Variants in GPC5 observed in about 807,000 individuals in gnomAD.
GPC5 encodes glypican-5.
GPC5 carries 47 observed loss-of-function variants against 53.9 expected under a neutral mutation model. The ratio of observed to expected loss-of-function variants is 0.87; its 90% CI spans 0.69 to 1.11. The LOEUF (loss-of-function observed/expected upper bound fraction) is 1.11, where lower values mean the gene tolerates loss of function less well. GPC5 is among the 50% of genes most tolerant of loss of function. The probability of loss-of-function intolerance (pLI) is 0.00; values close to 1 mark genes in which losing one functional copy is unlikely to be tolerated. For missense variants in GPC5, 748 were observed against 713.1 expected, an observed-to-expected ratio of 1.05 and a Z score of -0.56; for synonymous variants, 286 against 263.3, an observed-to-expected ratio of 1.09 and a Z score of -0.84.
chr13:92,131,253 C>T (rs903927006), intron 6 of GPC5, among the ~76,000 whole-genome samples: 2 of 151,768 alleles, frequency 1.3e-5, no homozygotes, highest in Non-Finnish European at 2.9e-5. Context: ...TCTGAAAAAC[C>T]ATATTGAAAA....
At chr13:91,949,407 T>TA (rs960391734) in intron 6 of GPC5, among the ~76,000 whole-genome samples, 1 of 152,020 alleles carries the variant, frequency 6.6e-6, no homozygotes, top group Non-Finnish European at 1.5e-5. Flanking sequence ...AGTGAAAGAT[T>TA]AAAAAAGGAA....
At chr13:91,740,382 C>G (rs969896476) in intron 4 of GPC5, among the ~76,000 whole-genome samples, 4 of 152,128 alleles carry the variant, frequency 2.6e-5, no homozygotes, top group African/African-American at 9.7e-5. Flanking sequence ...AAATACATTG[C>G]TTTTTCCTTG....
At chr13:92,799,239 C>T (rs1306859828) in intron 7 of GPC5, among the ~76,000 whole-genome samples, 26 of 151,748 alleles carry the variant, frequency 1.7e-4, no homozygotes, top group African/African-American at 2.4e-5. Context: ...ATCCAGAAAA[C>T]ATTCCTTTCA....
At chr13:92,126,416 A>G (rs2041697713) in intron 6 of GPC5, among the ~76,000 whole-genome samples, 1 of 152,220 alleles carries the variant, frequency 6.6e-6, no homozygotes, top group Non-Finnish European at 1.5e-5. Flanking sequence ...CACATAGGAC[A>G]AATTATTTAA....
intron 7 of GPC5, among the ~76,000 whole-genome samples, chr13:92,639,058 A>G (rs1260882101): frequency 1.3e-5 from 2 of 152,328 alleles, no homozygotes; most frequent in Admixed American, 6.5e-5. Flanking sequence ...ATCTTGCACC[A>G]TAGCTCACTG....
chr13:92,065,720 G>T (rs1368338099), intron 6 of GPC5, among the ~76,000 whole-genome samples: 3 of 152,090 alleles, frequency 2.0e-5, no homozygotes, highest in African/African-American at 7.2e-5. Context: ...TTTCAAAATT[G>T]CATGTTAGGT....
chr13:91,855,531 A>G (rs1194612939), intron 5 of GPC5, among the ~76,000 whole-genome samples: 7 of 151,818 alleles, frequency 4.6e-5, no homozygotes, highest in South Asian at 4.1e-4. Context: ...TTCTAAATGG[A>G]TATGTGAATG....
At chr13:92,774,512 C>T (rs1001180004) in intron 7 of GPC5, among the ~76,000 whole-genome samples, 1 of 152,192 alleles carries the variant, frequency 6.6e-6, no homozygotes, top group African/African-American at 2.4e-5. Context: ...TCCCTGCCCA[C>T]TTGCCTATGA....
intron 7 of GPC5, among the ~76,000 whole-genome samples, chr13:92,638,827 A>G (rs1885496728): frequency 6.6e-6 from 1 of 152,218 alleles, no homozygotes; most frequent in African/African-American, 2.4e-5. Context: ...TCATGAAAAA[A>G]GGTTTACATC....
intron 2 of GPC5, among the ~76,000 whole-genome samples, chr13:91,516,632 G>T (rs184898814): frequency 4.6e-5 from 7 of 152,252 alleles, no homozygotes; most frequent in African/African-American, 1.4e-4. Context: ...TCTGGAAGAC[G>T]GTGGCCCTCT....
chr13:91,964,100 C>A (rs1382773501), intron 6 of GPC5, among the ~76,000 whole-genome samples: 1 of 152,276 alleles, frequency 6.6e-6, no homozygotes, highest in Admixed American at 6.5e-5. Context: ...TTTTTTCCTT[C>A]TGATGTTCAG....
chr13:92,349,961 T>C (rs2043461867), intron 7 of GPC5, among the ~76,000 whole-genome samples: 1 of 152,178 alleles, frequency 6.6e-6, no homozygotes, highest in Non-Finnish European at 1.5e-5. Flanking sequence ...ATATCCTTGA[T>C]GAACATAGAC....
At chr13:92,661,385 C>T (rs1232976023) in intron 7 of GPC5, among the ~76,000 whole-genome samples, 2 of 151,640 alleles carry the variant, frequency 1.3e-5, no homozygotes, top group African/African-American at 4.8e-5. Flanking sequence ...ATTGTCAACA[C>T]TCAGTGTATA....
rs547785865 is a variant in GPC5, at chr13:92,094,203, T to TC, written c.1402-50625dup. 3.5e-3 allele frequency among the ~76,000 whole-genome samples: 538 copies of TC among 152,252 alleles called. 4 individuals carry two copies. Among genetic ancestry groups the TC allele is most frequent in the African/African-American group, 0.012 (511 of 41,560 alleles). Reference sequence around the variant, plus strand: ...TATATATTTGAATGTACACTGATTATCCTAAAGTTGTAAATATTTAAGAAA... The same window carrying TC: ...TATATATTTGAATGTACACTGATTATCCCTAAAGTTGTAAATATTTAAGAAA... On this transcript the variant is annotated intron_variant, in intron 6 of 7. Transcript: ENST00000377067.
At chr13:91,682,518 T>A (rs762116214) in intron 2 of GPC5, among the ~76,000 whole-genome samples, 1 of 152,174 alleles carries the variant, frequency 6.6e-6, no homozygotes, top group Non-Finnish European at 1.5e-5. Flanking sequence ...TTTACACGCA[T>A]GGGACTAGCA....
intron 7 of GPC5, among the ~76,000 whole-genome samples, chr13:92,171,037 T>G (rs1315845349): frequency 6.6e-6 from 1 of 152,114 alleles, no homozygotes; most frequent in African/African-American, 2.4e-5. Flanking sequence ...TACTCTATTC[T>G]TCTTAAATAT....
intron 6 of GPC5, among the ~76,000 whole-genome samples, chr13:92,076,269 A>T (rs538237541): frequency 1.1e-4 from 17 of 152,000 alleles, no homozygotes; most frequent in African/African-American, 3.9e-4. Context: ...TTTAGTAGAG[A>T]CGGGGTTTCA....
intron 5 of GPC5, among the ~76,000 whole-genome samples, chr13:91,820,558 A>G (rs1374593710): frequency 1.3e-5 from 2 of 152,148 alleles, no homozygotes; most frequent in Non-Finnish European, 2.9e-5. Flanking sequence ...CTTTGAGCGT[A>G]TTATTCTGTT....
intron 6 of GPC5, among the ~76,000 whole-genome samples, chr13:91,941,962 A>G (rs957965063): frequency 2.0e-5 from 3 of 152,180 alleles, no homozygotes; most frequent in Non-Finnish European, 2.9e-5. Context: ...ATATGTGTAT[A>G]TTGTGAAATG....
Sources: allele counts gnomAD v4.1 joint callset (sites outside exome capture counted in the v4.1 genomes callset), GRCh38; gene constraint gnomAD v4.1.1; transcripts MANE v1.5; gene names NCBI Gene and HGNC (gene_info 2026-07-23, HGNC 2026-07-21).